The following LY86 variants were observed in gnomAD, a reference collection of about 807,000 sequenced individuals.
LY86 encodes lymphocyte antigen 86.
LY86 carries 20 observed loss-of-function variants against 17.3 expected under a neutral mutation model. The observed-to-expected ratio is 1.15, with a 90% CI of 0.81 to 1.68. LY86 has a LOEUF of 1.68. Among genes scored for constraint, LY86 ranks in the 40% most tolerant of loss-of-function variants. The probability of loss-of-function intolerance (pLI) is 0.00; values close to 1 mark genes in which losing one functional copy is unlikely to be tolerated. For missense variants in LY86, 200 were observed against 191.9 expected, an observed-to-expected ratio of 1.04 and a Z score of -0.25; for synonymous variants, 74 against 70.6, an observed-to-expected ratio of 1.05 and a Z score of -0.24.
intron 1 of LY86, among the ~76,000 whole-genome samples, chr6:6,603,163 G>A (rs1217197999): frequency 1.3e-5 from 2 of 152,020 alleles, no homozygotes; most frequent in Non-Finnish European, 2.9e-5. Context: ...ATTCATGAGG[G>A]TGCTGCCCTC....
At chr6:6,627,587 G>A (rs1581247985) in intron 3 of LY86, among the ~76,000 whole-genome samples, 2 of 152,140 alleles carry the variant, frequency 1.3e-5, no homozygotes, top group South Asian at 2.1e-4. Flanking sequence ...AGCTGCTTGA[G>A]GGTAGGGTCA....
At chr6:6,649,499 C>CAT in intron 3 of LY86, 126 bp from the exon 4 acceptor site, 4 of 453,272 alleles carry the variant, frequency 8.8e-6, no homozygotes, top group Admixed American at 4.1e-5. Context: ...GAAAACATTT[C>CAT]TAGCAATAGC....
Position 6,626,435 on chromosome 6 carries a change from C to T in LY86, c.352+14C>T. ...GAAGGAAAGGAGGTAAGCCATCTGT[C>T]TTGCTCACTGCTGGCAGGGGCCTGC... is the stretch of plus-strand genomic sequence containing the variant. On this transcript the variant is annotated intron_variant, in intron 3 of 4. Transcript: ENST00000230568. The T allele has an allele frequency of 6.2e-7, 1 of 1,613,040 alleles. No individual in the cohort carries two copies. Among genetic ancestry groups the T allele is most frequent in the Admixed American group, 1.7e-5 (1 of 59,994 alleles).
At chr6:6,615,828 A>G (rs2113127412) in intron 1 of LY86, among the ~76,000 whole-genome samples, 1 of 152,136 alleles carries the variant, frequency 6.6e-6, no homozygotes, top group East Asian at 1.9e-4. Context: ...GGAGTTTGAT[A>G]CCAGCCTGGG....
At chr6:6,641,501 C>T (rs1275828557) in intron 3 of LY86, among the ~76,000 whole-genome samples, 1 of 152,202 alleles carries the variant, frequency 6.6e-6, no homozygotes, top group African/African-American at 2.4e-5. Flanking sequence ...TTGTCCCTGT[C>T]ACTCAGCTCC....
chr6:6,606,939 G>A (rs1761180944), intron 1 of LY86, among the ~76,000 whole-genome samples: 1 of 152,264 alleles, frequency 6.6e-6, no homozygotes, highest in Non-Finnish European at 1.5e-5. Flanking sequence ...CCGAGGAGGC[G>A]CTGAGAGCGA....
At chr6:6,613,209 C>T (rs1398814587) in intron 1 of LY86, among the ~76,000 whole-genome samples, 1 of 149,402 alleles carries the variant, frequency 6.7e-6, no homozygotes, top group Admixed American at 6.6e-5. Flanking sequence ...GCCCAGCTGG[C>T]TTCACCCAGT....
chr6:6,605,674 T>C (rs141032620), intron 1 of LY86, among the ~76,000 whole-genome samples: 1 of 152,252 alleles, frequency 6.6e-6, no homozygotes, highest in Non-Finnish European at 1.5e-5. Context: ...ATTGATGGGT[T>C]CTTCATCTCA....
chr6:6,624,917 T>C lies in LY86; in HGVS notation c.137-9T>C. The C allele has an allele frequency of 7.0e-7, 1 of 1,432,808 alleles. No homozygotes were observed. Among genetic ancestry groups the C allele is most frequent in the Non-Finnish European group, 9.7e-7 (1 of 1,028,614 alleles). The allele number at this position is 1,432,808 out of a possible 1,614,324, so 88.8% of individuals were successfully genotyped here. A position where few individuals can be genotyped will look rare whatever the true frequency, so the allele number is the denominator to read the frequency against. ...ACTCGCAACTAATCTATTGTTTTCT[T>C]CTTCGTAGATCCATTACAAGATTTT... On this transcript the variant is annotated splice_polypyrimidine_tract_variant and intron_variant, in intron 1 of 4. Transcript: ENST00000230568.
At chr6:6,620,370 A>T (rs780393799) in intron 1 of LY86, among the ~76,000 whole-genome samples, 14 of 152,242 alleles carry the variant, frequency 9.2e-5, no homozygotes, top group Non-Finnish European at 1.5e-4. Flanking sequence ...TAGAGCTAGA[A>T]TATGGAAAAT....
chr6:6,596,696 T>C (rs915369075), intron 1 of LY86, among the ~76,000 whole-genome samples: 1 of 152,032 alleles, frequency 6.6e-6, no homozygotes, highest in African/African-American at 2.4e-5. Flanking sequence ...GTGGTGCAGA[T>C]TTTTTTTAAT....
At chr6:6,654,165 C>G (rs893086899) in intron 4 of LY86, among the ~76,000 whole-genome samples, 13 of 152,206 alleles carry the variant, frequency 8.5e-5, no homozygotes, top group African/African-American at 3.1e-4. Context: ...CATAGCAGCA[C>G]TGCACCTTCT....
At chr6:6,603,939 C>T (rs1422252329) in intron 1 of LY86, among the ~76,000 whole-genome samples, 1 of 152,090 alleles carries the variant, frequency 6.6e-6, no homozygotes, top group African/African-American at 2.4e-5. Context: ...ACTTATCTAA[C>T]TCTGCCTAAT....
At chr6:6,609,569 T>C (rs75015774) in intron 1 of LY86, among the ~76,000 whole-genome samples, 5,219 of 152,268 alleles carry the variant, frequency 0.034, 306 homozygotes, top group African/African-American at 0.12. Flanking sequence ...GGTGGCCACA[T>C]TCAGAAGCAC....
chr6:6,600,305 G>A (rs1264632870), intron 1 of LY86, among the ~76,000 whole-genome samples: 1 of 152,032 alleles, frequency 6.6e-6, no homozygotes, highest in Non-Finnish European at 1.5e-5. Context: ...AATATAGCAG[G>A]TCAACCAGGC....
chr6:6,601,168 AC>A (rs1760895473), intron 1 of LY86, among the ~76,000 whole-genome samples: 1 of 152,218 alleles, frequency 6.6e-6, no homozygotes, highest in African/African-American at 2.4e-5. Flanking sequence ...GGAGACTCTT[AC>A]GTAAATACTA....
chr6:6,619,124 A>G (rs550808401), intron 1 of LY86, among the ~76,000 whole-genome samples: 12 of 152,334 alleles, frequency 7.9e-5, no homozygotes, highest in African/African-American at 2.6e-4. Flanking sequence ...GAAAATTAAG[A>G]CACTCCAGTA....
At chr6:6,612,809 G>A (rs1761420013) in intron 1 of LY86, among the ~76,000 whole-genome samples, 1 of 152,210 alleles carries the variant, frequency 6.6e-6, no homozygotes, top group African/African-American at 2.4e-5. Context: ...TAGACACAGA[G>A]TGCTGATTGG....
At chr6:6,618,267 G>A (rs769806072) in intron 1 of LY86, among the ~76,000 whole-genome samples, 20 of 152,192 alleles carry the variant, frequency 1.3e-4, no homozygotes, top group Non-Finnish European at 2.6e-4. Flanking sequence ...CCACTCATCT[G>A]TTATGGTCTC....
Sources: allele counts gnomAD v4.1 joint callset (sites outside exome capture counted in the v4.1 genomes callset), GRCh38; gene constraint gnomAD v4.1.1; transcripts MANE v1.5; gene names NCBI Gene and HGNC (gene_info 2026-07-23, HGNC 2026-07-21).